NEK1: variants seen among roughly 807,000 people sequenced by gnomAD.
NEK1 encodes serine/threonine-protein kinase Nek1.
NEK1 carries 137 observed loss-of-function variants against 182.1 expected under a neutral mutation model. That is an observed-to-expected ratio of 0.75 (90% confidence interval 0.65 to 0.87). The LOEUF (loss-of-function observed/expected upper bound fraction) is 0.87, where lower values mean the gene tolerates loss of function less well. Ranked by LOEUF, NEK1 falls within the 40% of genes least tolerant of loss-of-function variation. NEK1 has a pLI of 0.00. For synonymous variants in NEK1, 513 were observed against 492.2 expected, an observed-to-expected ratio of 1.04 and a Z score of -0.56; for missense variants, 1,391 against 1,494.4, an observed-to-expected ratio of 0.93 and a Z score of 1.14.
intron 26 of NEK1, among the ~76,000 whole-genome samples, chr4:169,467,561 A>G (rs1462215974): frequency 6.6e-6 from 1 of 152,124 alleles, no homozygotes; most frequent in African/African-American, 2.4e-5. Flanking sequence ...GAAAGCATAG[A>G]TGAGGCAAAC....
At chr4:169,594,388 AACTT>A (rs1769085358) in intron 5 of NEK1, among the ~76,000 whole-genome samples, 1 of 152,200 alleles carries the variant, frequency 6.6e-6, no homozygotes, top group South Asian at 2.1e-4. Flanking sequence ...CTAATGGAAA[AACTT>A]GAACTTGGCT....
chr4:169,563,365 A>T (rs1021129563), intron 12 of NEK1, among the ~76,000 whole-genome samples: 4 of 151,258 alleles, frequency 2.6e-5, no homozygotes, highest in Non-Finnish European at 4.4e-5. Context: ...TCAAAAAAAA[A>T]AATAAAAATA....
intron 19 of NEK1, among the ~76,000 whole-genome samples, chr4:169,523,621 A>C (rs1561345304): frequency 6.6e-6 from 1 of 152,298 alleles, no homozygotes; most frequent in East Asian, 1.9e-4. Flanking sequence ...TGAGATAATA[A>C]ATTTGTGTTG....
chr4:169,455,291 C>T (rs779997142), intron 27 of NEK1, among the ~76,000 whole-genome samples: 51 of 151,426 alleles, frequency 3.4e-4, no homozygotes, highest in Middle Eastern at 6.8e-3. Context: ...CAAACCTGCA[C>T]GTTGTGCACA....
At chr4:169,530,097 A>T (rs1191787309) in intron 19 of NEK1, among the ~76,000 whole-genome samples, 2 of 152,228 alleles carry the variant, frequency 1.3e-5, no homozygotes, top group Non-Finnish European at 2.9e-5. Flanking sequence ...AATTACCAAA[A>T]ATTGGAAACA....
intron 19 of NEK1, among the ~76,000 whole-genome samples, chr4:169,533,795 G>A (rs575071918): frequency 1.3e-5 from 2 of 152,262 alleles, no homozygotes; most frequent in South Asian, 2.1e-4. Context: ...CAGTCTAATA[G>A]GAGTCCTCTT....
chr4:169,547,885 G>T (rs529555259), intron 18 of NEK1, among the ~76,000 whole-genome samples: 2 of 152,170 alleles, frequency 1.3e-5, no homozygotes, highest in Admixed American at 1.3e-4. Context: ...CTTTTCTCAA[G>T]GTTCTTAGCT....
chr4:169,463,589 T>C (rs1348093131), intron 26 of NEK1, among the ~76,000 whole-genome samples, 194 bp from the exon 27 acceptor site: 1 of 152,136 alleles, frequency 6.6e-6, no homozygotes, highest in Admixed American at 6.6e-5. Flanking sequence ...AAAATATATC[T>C]ACAATTGCCT....
intron 4 of NEK1, among the ~76,000 whole-genome samples, chr4:169,601,697 A>C (rs989362890): frequency 6.6e-6 from 1 of 152,152 alleles, no homozygotes; most frequent in Non-Finnish European, 1.5e-5. Context: ...AATCACTAAT[A>C]ACAGCCAGTA....
At chr4:169,591,250 A>T (rs1768448179) in intron 5 of NEK1, among the ~76,000 whole-genome samples, 1 of 151,062 alleles carries the variant, frequency 6.6e-6, no homozygotes, top group Admixed American at 6.6e-5. Context: ...GGTTTAAATG[A>T]TCCTCCAGCC....
chr4:169,600,863 AC>A (rs1770372883), intron 4 of NEK1, among the ~76,000 whole-genome samples: 1 of 152,214 alleles, frequency 6.6e-6, no homozygotes, highest in Non-Finnish European at 1.5e-5. Flanking sequence ...TTTTTAAAAT[AC>A]GCTACCCCTT....
intron 19 of NEK1, among the ~76,000 whole-genome samples, chr4:169,526,365 T>C (rs1756900537): frequency 6.6e-6 from 1 of 152,072 alleles, no homozygotes; most frequent in African/African-American, 2.4e-5. Context: ...GGCAAGCACC[T>C]ATAGACCCAG....
rs750159428 is a variant in NEK1 at position 169,477,274 on chromosome 4, CAGAG to C, written c.2280_2283del (p.Ser761IlefsTer5). 1.9e-6 allele frequency: 3 copies of C among 1,596,160 alleles called. No individual in the cohort carries two copies. The stretch of plus-strand genomic sequence containing the variant: ...TCATGAACATTTATCTCAAAAGTAT[CAGAG>C]AGATTCTGCTTTCCTTTTTCATCTT... On this transcript the variant is annotated frameshift_variant, in exon 26 of 36. Transcript: ENST00000507142. LOFTEE classifies it high-confidence loss of function.
chr4:169,561,570 A>G lies in NEK1; in HGVS notation c.1192-16T>C. 6.2e-7 allele frequency: 1 copy of G among 1,611,746 alleles called. No individual in the cohort carries two copies. Among genetic ancestry groups the G allele is most frequent in the Non-Finnish European group, 8.5e-7 (1 of 1,178,470 alleles). On this transcript the variant is annotated splice_polypyrimidine_tract_variant and intron_variant, in intron 15 of 35. Coordinates refer to ENST00000507142, the MANE Select transcript of NEK1 (RefSeq NM_001199397.3). ...TTCTTTCCAACTTTGGGGAAAAGAA[A>G]TAAACAAAACACCATTTCAAGTATT...
At chr4:169,412,004 A>G (rs886353416) in intron 31 of NEK1, among the ~76,000 whole-genome samples, 2 of 152,130 alleles carry the variant, frequency 1.3e-5, no homozygotes, top group Non-Finnish European at 2.9e-5. Flanking sequence ...CAATTTTTCC[A>G]ATTATTTATG....
intron 19 of NEK1, among the ~76,000 whole-genome samples, chr4:169,509,365 CCAAT>C (rs1049621682): frequency 5.9e-5 from 9 of 152,064 alleles, no homozygotes; most frequent in African/African-American, 2.2e-4. Context: ...ATGTTCAAAC[CCAAT>C]CAAAAATGGA....
intron 19 of NEK1, 89 bp downstream of exon 19, chr4:169,537,720 T>C: frequency 1.0e-6 from 1 of 963,042 alleles, no homozygotes; most frequent in Non-Finnish European, 1.7e-6. Context: ...TGTTAGACTG[T>C]CATTCTTTTT....
intron 31 of NEK1, among the ~76,000 whole-genome samples, chr4:169,420,189 C>T (rs1735246419): frequency 6.6e-6 from 1 of 152,210 alleles, no homozygotes; most frequent in South Asian, 2.1e-4. Flanking sequence ...ACATCACTGT[C>T]TTCCACCTCC....
intron 21 of NEK1, 142 bp downstream of exon 21, chr4:169,508,106 T>C (rs1225760547): frequency 4.2e-6 from 3 of 709,128 alleles, no homozygotes; most frequent in Admixed American, 6.8e-5. Flanking sequence ...ATTTACTTTA[T>C]GTGTAGTTTT....
Sources: allele counts gnomAD v4.1 joint callset (sites outside exome capture counted in the v4.1 genomes callset), GRCh38; gene constraint gnomAD v4.1.1; transcripts MANE v1.5; gene names NCBI Gene and HGNC (gene_info 2026-07-23, HGNC 2026-07-21).